GLOD4: variants seen among roughly 807,000 people sequenced by gnomAD.
GLOD4 encodes glyoxalase domain containing 4.
In GLOD4, 44 loss-of-function variants were observed where a neutral mutation model predicts 39.1. The observed-to-expected ratio is 1.13, with a 90% confidence interval of 0.88 to 1.45. The LOEUF (loss-of-function observed/expected upper bound fraction) is 1.45, where lower values mean the gene tolerates loss of function less well. Among genes scored for constraint, GLOD4 ranks in the 40% most tolerant of loss-of-function variants. The pLI is 0.00. For synonymous variants in GLOD4, 145 were observed against 135.0 expected, an observed-to-expected ratio of 1.07 and a Z score of -0.52; for missense variants, 405 against 366.4, an observed-to-expected ratio of 1.11 and a Z score of -0.86.
intron 5 of GLOD4, chr17:770,945 G>A (rs189308114): frequency 1.7e-4 from 34 of 201,960 alleles, no homozygotes; most frequent in Admixed American, 4.4e-4. Flanking sequence ...TCTTTGTGCC[G>A]ATGTATGTTG....
chr17:782,331 T>G, upstream of GLOD4: 1 of 1,611,926 alleles, frequency 6.2e-7, no homozygotes, highest in Non-Finnish European at 8.5e-7. Context: ...GTGACGTCAC[T>G]AGCCGCCGAC....
upstream of GLOD4, chr17:782,793 C>G: frequency 7.8e-7 from 1 of 1,288,102 alleles, no homozygotes; most frequent in Non-Finnish European, 1.0e-6. Flanking sequence ...CAGTACAGCC[C>G]GCTGGTTTTT....
rs757800101 is a variant in GLOD4 at position 769,968 on chromosome 17, A to T, written c.745-13T>A. The stretch of plus-strand genomic sequence containing the variant: ...TTTCATGTCCGTCCTACACCAATAA[A>T]GAGAAAAGACACCTGCCAAAGACAT... On this transcript the variant is annotated splice_polypyrimidine_tract_variant and intron_variant, in intron 7 of 8. Transcript: ENST00000301329. The T allele has an allele frequency of 1.9e-6, 3 of 1,595,246 alleles. No individual in the cohort carries two copies. The South Asian group carries it at 3.3e-5, about 18-fold the overall frequency.
chr17:778,619 CACTT>C, intron 2 of GLOD4, 72 bp downstream of exon 2: 4 of 899,862 alleles, frequency 4.4e-6, no homozygotes, highest in South Asian at 1.3e-5. Flanking sequence ...GCTTTATACT[CACTT>C]TGAGAAACTG....
chr17:762,656 A>C lies in GLOD4; in HGVS notation c.832-2418T>G, dbSNP rs377208387. Among the ~76,000 whole-genome samples the C allele has an allele frequency of 1.3e-4, 19 of 144,600 alleles. No individual in the cohort carries two copies. In the East Asian group the frequency reaches 1.7e-3, roughly 13 times the overall value. 94.9% of individuals were successfully genotyped at this position (144,600 alleles called of 152,430 possible). Reference sequence around the variant, plus strand: ...TGCACCTACTCAGTGTGTGATCTTCAGGGATGAAGGGGAATAATTTCATCA... The same window carrying C: ...TGCACCTACTCAGTGTGTGATCTTCCGGGATGAAGGGGAATAATTTCATCA... On this transcript the variant is annotated intron_variant, in intron 8 of 8. Coordinates refer to ENST00000301329, the MANE Select transcript of GLOD4 (RefSeq NM_016080.4).
intron 4 of GLOD4, 131 bp downstream of exon 4, chr17:775,634 TCCGATAACAG>T: frequency 3.0e-6 from 2 of 668,158 alleles, no homozygotes; most frequent in Non-Finnish European, 5.2e-6. Flanking sequence ...ATGTAGTCTC[TCCGATAACAG>T]GTAAAAGCAC....
upstream of GLOD4, among the ~76,000 whole-genome samples, chr17:783,991 T>C (rs1910407150): frequency 6.6e-6 from 1 of 152,228 alleles, no homozygotes; most frequent in Non-Finnish European, 1.5e-5. Context: ...AAACTGCTTA[T>C]TCCAGAAGCA....
chr17:783,466 A>G, upstream of GLOD4: 1 of 803,062 alleles, frequency 1.2e-6, no homozygotes, highest in Non-Finnish European at 1.8e-6. Context: ...CCTCCGCAGT[A>G]GCTGGGATTA....
chr17:776,382 T>C (rs541684506), intron 3 of GLOD4, among the ~76,000 whole-genome samples: 1 of 152,350 alleles, frequency 6.6e-6, no homozygotes, highest in South Asian at 2.1e-4. Flanking sequence ...GCTCGGTTTA[T>C]TATAATGGCC....
chr17:761,878 A>T (rs1354812843), intron 8 of GLOD4, among the ~76,000 whole-genome samples: 1 of 152,184 alleles, frequency 6.6e-6, no homozygotes, highest in Non-Finnish European at 1.5e-5. Context: ...GTTGGATGCA[A>T]GAAGAAGTAT....
chr17:778,990 G>A (rs1041211754), intron 1 of GLOD4, among the ~76,000 whole-genome samples: 4 of 152,132 alleles, frequency 2.6e-5, no homozygotes, highest in Admixed American at 2.6e-4. Context: ...GTGCTATGCA[G>A]TGGGAAAAAG....
chr17:766,413 T>G (rs1906574405), intron 8 of GLOD4, among the ~76,000 whole-genome samples: 1 of 151,060 alleles, frequency 6.6e-6, no homozygotes. Context: ...CTGGCCAACA[T>G]GGTGAAGCCC....
At chr17:761,379 A>G (rs1567787313) in intron 8 of GLOD4, among the ~76,000 whole-genome samples, 2 of 152,232 alleles carry the variant, frequency 1.3e-5, no homozygotes, top group Admixed American at 6.5e-5. Context: ...CTTGATGAAA[A>G]TAAGAATTTA....
At chr17:764,670 A>T (rs1431447976) in intron 8 of GLOD4, 1 of 152,196 alleles carries the variant, frequency 6.6e-6, no homozygotes, top group Admixed American at 6.5e-5. Context: ...CAGCAATTAA[A>T]AAAAAAAGAG....
intron 2 of GLOD4, chr17:777,470 C>T (rs544064728): frequency 3.8e-5 from 6 of 156,910 alleles, no homozygotes; most frequent in East Asian, 1.8e-4. Flanking sequence ...GGTGAAACCC[C>T]GTCTCTACTA....
intron 4 of GLOD4, 106 bp downstream of exon 4, chr17:775,669 A>G (rs1179679215): frequency 1.2e-6 from 1 of 868,536 alleles, no homozygotes; most frequent in Non-Finnish European, 1.8e-6. Flanking sequence ...TGGGGAAGAC[A>G]CGTCACGTGA....
chr17:784,250 G>A (rs948372580), upstream of GLOD4, among the ~76,000 whole-genome samples: 1 of 152,184 alleles, frequency 6.6e-6, no homozygotes, highest in African/African-American at 2.4e-5. Flanking sequence ...AGATTCTGGG[G>A]AACCATCTCT....
At chr17:779,451 G>A (rs537738232) in intron 1 of GLOD4, among the ~76,000 whole-genome samples, 21 of 146,630 alleles carry the variant, frequency 1.4e-4, no homozygotes, top group Non-Finnish European at 2.4e-4. Context: ...CCAACACAGT[G>A]AAACCCCATC....
upstream of GLOD4, among the ~76,000 whole-genome samples, chr17:784,906 T>C (rs1404812519): frequency 3.3e-5 from 5 of 152,218 alleles, no homozygotes; most frequent in Admixed American, 3.3e-4. Flanking sequence ...TACCCTTCCA[T>C]TGCCTTCAGT....
Sources: allele counts gnomAD v4.1 joint callset (sites outside exome capture counted in the v4.1 genomes callset), GRCh38; gene constraint gnomAD v4.1.1; transcripts MANE v1.5; gene names NCBI Gene and HGNC (gene_info 2026-07-23, HGNC 2026-07-21).